DOCK11: variants seen among roughly 807,000 people sequenced by gnomAD.
DOCK11 encodes the protein dedicator of cytokinesis protein 11.
A neutral mutation model predicts 169.1 loss-of-function variants in DOCK11; 70 were observed. That is an observed-to-expected ratio of 0.41 (90% confidence interval 0.34 to 0.51). The LOEUF is 0.51. Ranked by LOEUF, DOCK11 falls within the 20% of genes least tolerant of loss-of-function variation. The probability of loss-of-function intolerance (pLI) is 0.10; values close to 1 mark genes in which losing one functional copy is unlikely to be tolerated. For synonymous variants in DOCK11, 529 were observed against 541.3 expected (o/e 0.98, Z 0.32); for missense variants, 1,166 against 1,538.8 (o/e 0.76, Z 4.05).
chrX:118,600,476 A>T (rs2014304237), intron 23 of DOCK11, among the ~76,000 whole-genome samples: 1 of 110,431 alleles, frequency 9.1e-6, no homozygotes, highest in African/African-American at 3.3e-5. Context: ...TTCATGCCAC[A>T]CTTATTTCTT....
chrX:118,638,539 T>C (rs1416019381), intron 37 of DOCK11, among the ~76,000 whole-genome samples: 1 of 112,398 alleles, frequency 8.9e-6, no homozygotes, highest in Non-Finnish European at 1.9e-5. Flanking sequence ...ATCTATTTCC[T>C]CTTTTTGCCA....
chrX:118,601,293 A>G (rs1254565105), intron 23 of DOCK11, among the ~76,000 whole-genome samples: 1 of 109,391 alleles, frequency 9.1e-6, no homozygotes, highest in African/African-American at 3.3e-5. Context: ...GCATAGTGGC[A>G]CACACCTGTA....
intron 35 of DOCK11, chrX:118,632,976 G>C (rs1292950015): frequency 1.2e-5 from 1 of 82,135 alleles, no homozygotes; most frequent in Non-Finnish European, 2.4e-5. Flanking sequence ...CGGTGGGGGG[G>C]GGGGTGAGGG....
intron 30 of DOCK11, chrX:118,616,259 A>G: frequency 8.4e-6 from 8 of 946,954 alleles, no homozygotes; most frequent in Non-Finnish European, 9.5e-6. Flanking sequence ...AACTCGGTTC[A>G]CTCTAAATTA....
At position 118,676,748 on chromosome X, in the gene DOCK11, C is replaced by G. The variant is rs1381363494; in HGVS notation, c.5460+11C>G. 3 of 1,179,772 alleles carry G rather than the reference C, an allele frequency of 2.5e-6. No individual in the cohort carries two copies. The South Asian group carries it at 5.9e-5, about 23-fold the overall frequency. On this transcript the variant is annotated intron_variant, in intron 48 of 52. Transcript: ENST00000276202. ...CAGGATTCAGACAAGGTAACACATA[C>G]CCTACATGTTGAAATCATTATTTGT...
intron 44 of DOCK11, among the ~76,000 whole-genome samples, chrX:118,655,978 T>C (rs1385120443): frequency 1.8e-5 from 2 of 111,734 alleles, no homozygotes; most frequent in East Asian, 2.8e-4. Context: ...ATAACACCCA[T>C]GTGGAGAATC....
At chrX:118,541,220 T>A (rs1026345416) in intron 1 of DOCK11, among the ~76,000 whole-genome samples, 5 of 112,005 alleles carry the variant, frequency 4.5e-5, no homozygotes, top group African/African-American at 1.6e-4. Context: ...ACCATGCACA[T>A]GAGAATCTTG....
intron 6 of DOCK11, among the ~76,000 whole-genome samples, chrX:118,552,192 T>TTA (rs1361959423): frequency 2.7e-5 from 3 of 111,801 alleles, no homozygotes; most frequent in Non-Finnish European, 1.9e-5. Context: ...GATTCCAACT[T>TTA]TATAAGATCT....
chrX:118,604,277 A>G (rs2014429100), intron 23 of DOCK11, among the ~76,000 whole-genome samples: 1 of 111,773 alleles, frequency 8.9e-6, no homozygotes, highest in Non-Finnish European at 1.9e-5. Flanking sequence ...TAATTTAGAA[A>G]TGAGAGTTGG....
At chrX:118,661,620 A>G (rs2016217170) in intron 44 of DOCK11, among the ~76,000 whole-genome samples, 1 of 111,886 alleles carries the variant, frequency 8.9e-6, no homozygotes, top group African/African-American at 3.3e-5. Context: ...ACTAGCTCCT[A>G]TCAGAAGGAA....
chrX:118,616,361 G>A (rs1476256041), intron 30 of DOCK11: 2 of 417,691 alleles, frequency 4.8e-6, no homozygotes, highest in Non-Finnish European at 7.0e-6. Context: ...CCAAAATGAG[G>A]CTTTAGTTAA....
chrX:118,530,774 A>G (rs2011503081), intron 1 of DOCK11, among the ~76,000 whole-genome samples: 1 of 111,496 alleles, frequency 9.0e-6, no homozygotes. Flanking sequence ...ATAGCTCTTG[A>G]TTTAGGGATC....
chrX:118,628,231 G>A lies in DOCK11; in HGVS notation c.3733G>A (p.Gly1245Arg). Residue 1245 changes from glycine to arginine, a missense_variant, in exon 34 of 53, where the codon GGA (glycine) becomes AGA (arginine). Physicochemically the swap from Gly to Arg is moderately radical, Grantham distance 125 (BLOSUM62 -2). Transcript: ENST00000276202. ...EDSRGSLIPE[G>R]ATGFPDQGNT... ...TTCAAGAGGTTCCCTCATCCCAGAA[G>A]GAGCAACAGGATTTCCAGATCAGGG... The A allele has an allele frequency of 8.3e-7, 1 of 1,206,082 alleles. No homozygotes were observed. Among genetic ancestry groups the A allele is most frequent in the Non-Finnish European group, 1.1e-6 (1 of 890,911 alleles).
intron 23 of DOCK11, among the ~76,000 whole-genome samples, chrX:118,602,093 ACT>A (rs1491474881): frequency 1.4e-5 from 1 of 72,576 alleles, no homozygotes; most frequent in African/African-American, 4.5e-5. Context: ...CCCGGCCAAG[ACT>A]TTTTTTTTTT....
chrX:118,500,909 C>G (rs1029874691), intron 1 of DOCK11, among the ~76,000 whole-genome samples: 3 of 111,586 alleles, frequency 2.7e-5, no homozygotes, highest in Non-Finnish European at 5.7e-5. Flanking sequence ...TCTCAAAGTG[C>G]TGGGATTACA....
At chrX:118,674,122 A>G (rs2016551789) in intron 46 of DOCK11, among the ~76,000 whole-genome samples, 1 of 111,493 alleles carries the variant, frequency 9.0e-6, no homozygotes, top group Admixed American at 9.5e-5. Context: ...ATTATATGTG[A>G]CCTTTTATGT....
At chrX:118,567,355 A>G (rs1254255316) in intron 9 of DOCK11, among the ~76,000 whole-genome samples, 2 of 105,803 alleles carry the variant, frequency 1.9e-5, no homozygotes, top group East Asian at 5.8e-4. Flanking sequence ...TTTTTTTTCT[A>G]TTTTAAATTT....
chrX:118,537,730 C>T (rs755624128), intron 1 of DOCK11, among the ~76,000 whole-genome samples: 1 of 111,896 alleles, frequency 8.9e-6, no homozygotes, highest in Non-Finnish European at 1.9e-5. Context: ...GGAACCACCA[C>T]AAAATTGTAA....
At position 118,592,095 on chromosome X, in the gene DOCK11, A is replaced by G. The variant is rs755076260; in HGVS notation, c.2140-1119A>G. On this transcript the variant is annotated intron_variant, in intron 19 of 52. Transcript: ENST00000276202. ...GTGAATAGTGCCGCAATAAACATAC[A>G]TGTGCATGTGTCTTTATAGCAGCAT... Among the ~76,000 whole-genome samples the G allele has an allele frequency of 7.4e-5, 8 of 108,152 alleles. 1 individual carries two copies. The South Asian group carries it at 2.5e-3, about 34-fold the overall frequency. The allele number at this position is 108,152 out of a possible 115,157, so 93.9% of individuals were successfully genotyped here. A position where few individuals can be genotyped will look rare whatever the true frequency, so the allele number is the denominator to read the frequency against.
Sources: allele counts gnomAD v4.1 joint callset (sites outside exome capture counted in the v4.1 genomes callset), GRCh38; gene constraint gnomAD v4.1.1; transcripts MANE v1.5; gene names NCBI Gene and HGNC (gene_info 2026-07-23, HGNC 2026-07-21).